The following STARD7 variants were observed in gnomAD, a reference collection of about 807,000 sequenced individuals.
STARD7 encodes stAR-related lipid transfer protein 7, mitochondrial.
A neutral mutation model predicts 45.3 loss-of-function variants in STARD7; 30 were observed. The ratio of observed to expected loss-of-function variants is 0.66; its 90% CI spans 0.50 to 0.90. The LOEUF is 0.90. Ranked by LOEUF, STARD7 falls within the 40% of genes least tolerant of loss-of-function variation. The pLI is 0.00. For missense variants in STARD7, 495 were observed against 491.3 expected (o/e 1.01, Z -0.07); for synonymous variants, 199 against 183.0 (o/e 1.09, Z -0.70).
rs1683010475 is a variant in STARD7 at position 96,184,889 on chromosome 2, T to C, written c.*1841A>G. ...TTTGTACCAATCTTTATGTATTTAT[T>C]CACACATTTGATAAAAATGTCACAG... On this transcript the variant is annotated 3_prime_UTR_variant, in exon 8 of 8. Transcript: ENST00000337288. The C allele has an allele frequency of 6.5e-6, 1 of 152,678 alleles. No individual in the cohort carries two copies. Among genetic ancestry groups the C allele is most frequent in the African/African-American group, 2.4e-5 (1 of 41,460 alleles). 9.5% of individuals were successfully genotyped at this position (152,678 alleles called of 1,614,324 possible).
At position 96,208,686 on chromosome 2, in the gene STARD7, G is replaced by A. The variant is rs554491209; in HGVS notation, c.-252C>T. On this transcript the variant is annotated 5_prime_UTR_variant, in exon 1 of 8. Transcript: ENST00000337288. ...GCTACACCAGGCACTCCTGGGCCCGGGCAGCAGACCAGTCAGCCCTGTGGC... is the reference window on the plus strand; with the variant it reads ...GCTACACCAGGCACTCCTGGGCCCGAGCAGCAGACCAGTCAGCCCTGTGGC... 1.5e-4 allele frequency: 67 copies of A among 442,294 alleles called. No homozygotes were observed. Among genetic ancestry groups the A allele is most frequent in the African/African-American group, 1.2e-3 (61 of 49,002 alleles). The allele number at this position is 442,294 out of a possible 1,614,324, so 27.4% of individuals were successfully genotyped here. A position where few individuals can be genotyped will look rare whatever the true frequency, so the allele number is the denominator to read the frequency against.
At chr2:96,207,766 T>C (rs1573949308) in intron 1 of STARD7, among the ~76,000 whole-genome samples, 1 of 152,176 alleles carries the variant, frequency 6.6e-6, no homozygotes, top group Admixed American at 6.5e-5. Context: ...CCACCACCCT[T>C]AGGCCAAATT....
chr2:96,189,426 T>C (rs921574384), intron 6 of STARD7, among the ~76,000 whole-genome samples: 10 of 152,086 alleles, frequency 6.6e-5, no homozygotes, highest in African/African-American at 2.4e-4. Context: ...AGCTGGGGGC[T>C]GGGCACGGTG....
Position 96,208,600 on chromosome 2 carries a change from A to G in STARD7, c.-166T>C. 1 of 553,362 alleles carries G rather than the reference A, an allele frequency of 1.8e-6. No individual in the cohort carries two copies. The highest frequency in any genetic ancestry group is 3.0e-6 in the Non-Finnish European group (1 of 337,922). The allele number at this position is 553,362 out of a possible 1,614,324, so 34.3% of individuals were successfully genotyped here. ...TCTGTCTCTGCAGCCACCGCTGAGG[A>G]AGAGTCTCCTCTGAGGGGAGAGTCG... is the stretch of plus-strand genomic sequence containing the variant. On this transcript the variant is annotated 5_prime_UTR_variant, in exon 1 of 8. Coordinates refer to ENST00000337288, the MANE Select transcript of STARD7 (RefSeq NM_020151.4).
chr2:96,192,497 C>T (rs752538519), intron 5 of STARD7, 29 bp from the exon 6 acceptor site: 1 of 1,526,474 alleles, frequency 6.6e-7, no homozygotes, highest in Admixed American at 1.7e-5. Context: ...GAAGCAAACT[C>T]TTAGTAATGT....
rs1683188189 is a variant in STARD7, at chr2:96,195,464, C to T, written c.376G>A (p.Ala126Thr). 2 of 1,613,712 alleles carry T rather than the reference C, an allele frequency of 1.2e-6. No individual in the cohort carries two copies. The highest frequency in any genetic ancestry group is 2.2e-5 in the East Asian group (1 of 44,876). ...GVQHHPPEPK[A>T]QTEGNEDSEG... ...GAATCTTCATTCCCTTCTGTTTGGG[C>T]TTTTGGTTCTGGAGGGTGGTGCTGG... The change falls in exon 2 of 8, where the codon GCC becomes ACC. Residue 126 changes from alanine (A) to threonine (T), a missense_variant. Physicochemically the swap from Ala to Thr is moderately conservative, Grantham distance 58 (BLOSUM62 0). Transcript: ENST00000337288.
At chr2:96,195,232 C>G (rs138737067) in intron 2 of STARD7, 109 bp downstream of exon 2, 71 of 1,053,084 alleles carry the variant, frequency 6.7e-5, no homozygotes, top group Non-Finnish European at 9.5e-5. Context: ...CAAAAAACTA[C>G]GGCAAATTTT....
At chr2:96,187,343 C>A in intron 6 of STARD7, 42 bp from the exon 7 acceptor site, 1 of 1,204,946 alleles carries the variant, frequency 8.3e-7, no homozygotes, top group South Asian at 1.2e-5. Flanking sequence ...CCTGAATCAC[C>A]AACCACAACC....
chr2:96,191,018 A>T (rs1042329820), intron 6 of STARD7, among the ~76,000 whole-genome samples: 3 of 152,126 alleles, frequency 2.0e-5, no homozygotes, highest in Admixed American at 6.5e-5. Context: ...ACAAAAAATT[A>T]GCCTGACATG....
chr2:96,195,624 T>C (rs756087940), intron 1 of STARD7, 75 bp from the exon 2 acceptor site: 2 of 1,173,030 alleles, frequency 1.7e-6, no homozygotes, highest in East Asian at 2.4e-5. Context: ...CAAAGGTCTG[T>C]GCAAGAAGGT....
In STARD7 at chr2:96,195,526, A is replaced by C; in HGVS notation, c.314T>G (p.Leu105Trp). Residue 105 changes from leucine (L) to tryptophan (W), a missense_variant, in exon 2 of 8, where the codon TTG becomes TGG. Transcript: ENST00000337288. The stretch of plus-strand genomic sequence containing the variant: ...CTGAAACATATTTGACATTTCTTCC[A>C]ACCGCTTCATCTCATTAATAGATCT... ...LQRSINEMKR[L>W]EEMSNMFQSS... 1 of 1,613,548 alleles carries C rather than the reference A, an allele frequency of 6.2e-7. No individual in the cohort carries two copies. The highest frequency in any genetic ancestry group is 8.5e-7 in the Non-Finnish European group (1 of 1,179,694).
At chr2:96,205,475 G>A (rs1009899365) in intron 1 of STARD7, among the ~76,000 whole-genome samples, 1 of 152,216 alleles carries the variant, frequency 6.6e-6, no homozygotes, top group Non-Finnish European at 1.5e-5. Context: ...CAGCACAGAT[G>A]AGCCAAAGGC....
chr2:96,201,767 C>T (rs190966299), intron 1 of STARD7, among the ~76,000 whole-genome samples: 25 of 152,274 alleles, frequency 1.6e-4, no homozygotes, highest in Non-Finnish European at 2.8e-4. Context: ...CACTGCACTC[C>T]AGCCTGGGTG....
chr2:96,190,205 C>T (rs1007258942), intron 6 of STARD7, among the ~76,000 whole-genome samples: 1 of 152,074 alleles, frequency 6.6e-6, no homozygotes, highest in Admixed American at 6.5e-5. Flanking sequence ...CACCAGAAAG[C>T]AAGACAGCTT....
chr2:96,188,297 C>T (rs1683069543), intron 6 of STARD7, among the ~76,000 whole-genome samples: 2 of 75,288 alleles, frequency 2.7e-5, no homozygotes, highest in South Asian at 9.1e-4. Context: ...TTTTTTGAGA[C>T]AGAGTTTCGT....
At chr2:96,206,889 G>T (rs1283901631) in intron 1 of STARD7, among the ~76,000 whole-genome samples, 1 of 150,258 alleles carries the variant, frequency 6.7e-6, no homozygotes, top group Non-Finnish European at 1.5e-5. Flanking sequence ...TGTCAACTTA[G>T]AAGTTTTCTT....
intron 1 of STARD7, among the ~76,000 whole-genome samples, chr2:96,198,276 T>C (rs959063297): frequency 6.6e-6 from 1 of 151,686 alleles, no homozygotes; most frequent in African/African-American, 2.4e-5. Context: ...TGAGCCAAGA[T>C]TGCACCACTT....
chr2:96,189,025 G>A (rs1052368075), intron 6 of STARD7, among the ~76,000 whole-genome samples: 11 of 151,796 alleles, frequency 7.2e-5, no homozygotes, highest in Non-Finnish European at 1.6e-4. Flanking sequence ...TCTCGACTCA[G>A]TACAGCCTCC....
At position 96,208,456 on chromosome 2, in the gene STARD7, C is replaced by G. The variant is rs1253603037; in HGVS notation, c.-22G>C. On this transcript the variant is annotated 5_prime_UTR_variant, in exon 1 of 8. Coordinates refer to ENST00000337288, the MANE Select transcript of STARD7 (RefSeq NM_020151.4). ...GCATGCCGCCTCCCGCAGGGCCCGC[C>G]GCGAGCTTCCGGGGCCCAAGGAACC... 2 of 1,357,424 alleles carry G rather than the reference C, an allele frequency of 1.5e-6. No homozygotes were observed. The highest frequency in any genetic ancestry group is 1.9e-6 in the Non-Finnish European group (2 of 1,064,864). 84.1% of individuals were successfully genotyped at this position (1,357,424 alleles called of 1,614,324 possible). A position where few individuals can be genotyped will look rare whatever the true frequency, so the allele number is the denominator to read the frequency against.
Sources: allele counts gnomAD v4.1 joint callset (sites outside exome capture counted in the v4.1 genomes callset), GRCh38; gene constraint gnomAD v4.1.1; transcripts MANE v1.5; gene names NCBI Gene and HGNC (gene_info 2026-07-23, HGNC 2026-07-21).